TKT: variants seen among roughly 807,000 people sequenced by gnomAD.
TKT encodes transketolase.
In TKT, 47 loss-of-function variants were observed where a neutral mutation model predicts 63.9. That is an observed-to-expected ratio of 0.74 (90% CI 0.58 to 0.94). TKT has a LOEUF of 0.94. TKT is among the 40% of genes least tolerant of loss of function. TKT has a pLI of 0.00. For synonymous variants in TKT, 338 were observed against 334.1 expected (o/e 1.01, Z -0.13); for missense variants, 721 against 846.2 (o/e 0.85, Z 1.84).
At position 53,233,119 on chromosome 3, in the gene TKT, G is replaced by T. The variant is rs1198569747; in HGVS notation, c.748+37C>A. On this transcript the variant is annotated intron_variant, in intron 6 of 13. Coordinates refer to ENST00000462138, the MANE Select transcript of TKT (RefSeq NM_001064.4). Reference sequence around the variant, plus strand: ...CTACGTAGCCACAGTGTCTGGGCGAGGGGTGAAGGTGGGGAGGGCGGCTTG... The same window carrying T: ...CTACGTAGCCACAGTGTCTGGGCGATGGGTGAAGGTGGGGAGGGCGGCTTG... 5 of 1,576,330 alleles carry T rather than the reference G, an allele frequency of 3.2e-6. No individual in the cohort carries two copies. In the African/African-American group the frequency reaches 5.4e-5, roughly 17 times the overall value.
chr3:53,228,347 T>C lies in TKT; in HGVS notation c.1408A>G (p.Ile470Val). ...LAANTKGICF[I>V]RTSRPENAII... ...GCATTTTCTGGGCGGCTGGTCCGGA[T>C]GAAGCAGATACCCTGAGACCGAAAC... The change falls in exon 11 of 14, where the codon ATC becomes GTC. Residue 470 changes from isoleucine (I) to valine (V), a missense_variant. Coordinates refer to ENST00000462138, the MANE Select transcript of TKT (RefSeq NM_001064.4). 1 of 1,614,114 alleles carries C rather than the reference T, an allele frequency of 6.2e-7. No individual in the cohort carries two copies. The highest frequency in any genetic ancestry group is 8.5e-7 in the Non-Finnish European group (1 of 1,180,014).
At chr3:53,243,033 T>A (rs1465140839) in intron 1 of TKT, among the ~76,000 whole-genome samples, 1 of 152,126 alleles carries the variant, frequency 6.6e-6, no homozygotes, top group Non-Finnish European at 1.5e-5. Context: ...GCTACAATCA[T>A]GTATTAATAA....
chr3:53,246,905 A>G (rs1705532356), intron 1 of TKT, among the ~76,000 whole-genome samples: 1 of 151,848 alleles, frequency 6.6e-6, no homozygotes, highest in Non-Finnish European at 1.5e-5. Flanking sequence ...AATTCAGGGT[A>G]TAGTTCTTTC....
chr3:53,255,696 C>A (rs1403953397), intron 1 of TKT, 140 bp downstream of exon 1: 2 of 441,144 alleles, frequency 4.5e-6, no homozygotes, highest in African/African-American at 4.2e-5. Context: ...AGGCGCGCGT[C>A]TCCGCCCTCC....
At chr3:53,229,494 C>T (rs1347853691) in intron 8 of TKT, 58 bp from the exon 9 acceptor site, 3 of 1,539,976 alleles carry the variant, frequency 1.9e-6, no homozygotes, top group Non-Finnish European at 2.6e-6. Flanking sequence ...GGTCGGGGAG[C>T]CTAGGACCCC....
chr3:53,253,742 C>T (rs983146560), intron 1 of TKT, among the ~76,000 whole-genome samples: 13 of 151,950 alleles, frequency 8.6e-5, no homozygotes, highest in Non-Finnish European at 4.4e-5. Context: ...CTAGCCTGGG[C>T]GATAGAGCAA....
chr3:53,231,815 G>A (rs782603916), intron 6 of TKT: 54 of 488,418 alleles, frequency 1.1e-4, no homozygotes, highest in Non-Finnish European at 1.7e-4. Context: ...GGGGCCAGAC[G>A]TGGGCAGGTG....
chr3:53,240,403 C>T (rs1179551930), intron 3 of TKT, 55 bp from the exon 4 acceptor site: 2 of 1,541,920 alleles, frequency 1.3e-6, no homozygotes, highest in Non-Finnish European at 1.8e-6. Flanking sequence ...CCTGGTCTCA[C>T]CCGCCTAGGG....
chr3:53,233,168 G>C lies in TKT; in HGVS notation c.736C>G (p.Arg246Gly). The C allele has an allele frequency of 6.2e-7, 1 of 1,613,702 alleles. No individual in the cohort carries two copies. The highest frequency in any genetic ancestry group is 8.5e-7 in the Non-Finnish European group (1 of 1,179,836). The change falls in exon 6 of 14, where the codon CGA becomes GGA. Residue 246 changes from arginine (R) to glycine (G), a missense_variant. By Grantham distance (125) the Arg-to-Gly change is moderately radical. Coordinates refer to ENST00000462138, the MANE Select transcript of TKT (RefSeq NM_001064.4). ...TAIIAKTFKG[R>G]GITGVEDKES... Reference sequence around the variant, plus strand: ...TGTGCATACTGACCCGTGATCCCTCGGCCCTTGAAGGTCTTGGCAATGATG... The same window carrying C: ...TGTGCATACTGACCCGTGATCCCTCCGCCCTTGAAGGTCTTGGCAATGATG...
chr3:53,231,212 T>C, intron 7 of TKT, 145 bp downstream of exon 7: 1 of 886,336 alleles, frequency 1.1e-6, no homozygotes, highest in Non-Finnish European at 1.7e-6. Flanking sequence ...CTGAGGGAAG[T>C]GACAGGAACA....
chr3:53,250,111 G>C (rs1288689679), intron 1 of TKT, among the ~76,000 whole-genome samples: 3 of 152,214 alleles, frequency 2.0e-5, no homozygotes, highest in Non-Finnish European at 4.4e-5. Flanking sequence ...CTCGGGCAGA[G>C]AACCAAGCCA....
chr3:53,251,525 C>G (rs1705746370), intron 1 of TKT, among the ~76,000 whole-genome samples: 1 of 152,238 alleles, frequency 6.6e-6, no homozygotes, highest in Non-Finnish European at 1.5e-5. Context: ...AGGCCCAACT[C>G]CTGACAGAGG....
Position 53,241,250 on chromosome 3 carries a change from C to A in TKT, c.226-5G>T, listed in dbSNP as rs1553679797. 2 of 1,595,294 alleles carry A rather than the reference C, an allele frequency of 1.3e-6. No individual in the cohort carries two copies. Among genetic ancestry groups the A allele is most frequent in the Admixed American group, 1.7e-5 (1 of 57,938 alleles). On this transcript the variant is annotated splice_region_variant and splice_polypyrimidine_tract_variant and intron_variant, in intron 2 of 13. Transcript: ENST00000462138. ...GAGGATGGGAGCTGCATGGCCCTGC[C>A]GGGAGATGGATGGTGGGGTGAGGTC...
Position 53,228,272 on chromosome 3 carries a change from T to C in TKT, c.1479+4A>G. The C allele has an allele frequency of 6.2e-7, 1 of 1,614,208 alleles. No individual in the cohort carries two copies. Among genetic ancestry groups the C allele is most frequent in the Non-Finnish European group, 8.5e-7 (1 of 1,180,010 alleles). ...TGGGCTCCTGGGGCATGCGAGGCAC[T>C]GACCTTGGCTTGTCCGACCTGGAAG... is the stretch of plus-strand genomic sequence containing the variant. On this transcript the variant is annotated splice_donor_region_variant and intron_variant, in intron 11 of 13. Coordinates refer to ENST00000462138, the MANE Select transcript of TKT (RefSeq NM_001064.4).
rs190032663 is a variant in TKT, at chr3:53,233,434, T to A, written c.630-160A>T. The A allele has an allele frequency of 5.1e-4, 258 of 510,554 alleles. 1 individual carries two copies. Among genetic ancestry groups the A allele is most frequent in the East Asian group, 3.4e-4 (10 of 29,692 alleles). The allele number at this position is 510,554 out of a possible 1,614,324, so 31.6% of individuals were successfully genotyped here. On this transcript the variant is annotated intron_variant, in intron 5 of 13. Transcript: ENST00000462138. Reference sequence around the variant, plus strand: ...GTAGAAAGCTTGCAACATTCCTGTTTCCAGTTTGGGTTTTTTAAATCCTTT... The same window carrying A: ...GTAGAAAGCTTGCAACATTCCTGTTACCAGTTTGGGTTTTTTAAATCCTTT...
intron 1 of TKT, among the ~76,000 whole-genome samples, chr3:53,251,910 C>T (rs1553681689): frequency 6.6e-6 from 1 of 152,156 alleles, no homozygotes; most frequent in Admixed American, 6.5e-5. Flanking sequence ...GAGGCCGAGG[C>T]GGGCGGATCA....
chr3:53,255,905 T>C lies in TKT; in HGVS notation c.38A>G (p.Gln13Arg). The C allele has an allele frequency of 6.5e-7, 1 of 1,546,868 alleles. No individual in the cohort carries two copies. The highest frequency in any genetic ancestry group is 8.7e-7 in the Non-Finnish European group (1 of 1,146,648). The change falls in exon 1 of 14, where the codon CAG (glutamine) becomes CGG (arginine). Residue 13 changes from glutamine to arginine, a missense_variant. Physicochemically the swap from Gln to Arg is conservative, Grantham distance 43. Transcript: ENST00000462138. The part of the protein sequence containing the change: ...SYHKPDQQKL[Q>R]ALKDTANRLR... ...GCGGTTGGCCGTGTCCTTCAAGGCC[T>C]GCAGCTTCTGCTGGTCAGGCTTGTG...
At chr3:53,240,561 TGGCCTCA>T (rs1332079349) in intron 3 of TKT, among the ~76,000 whole-genome samples, 1 of 152,248 alleles carries the variant, frequency 6.6e-6, no homozygotes, top group Non-Finnish European at 1.5e-5. Flanking sequence ...GCCAGCTATG[TGGCCTCA>T]GGCCTCAGGC....
chr3:53,245,456 C>T (rs1351033613), intron 1 of TKT, among the ~76,000 whole-genome samples: 1 of 152,152 alleles, frequency 6.6e-6, no homozygotes, highest in African/African-American at 2.4e-5. Context: ...GCCAGAGAGG[C>T]TCCCTCACCC....
Sources: allele counts gnomAD v4.1 joint callset (sites outside exome capture counted in the v4.1 genomes callset), GRCh38; gene constraint gnomAD v4.1.1; transcripts MANE v1.5; gene names NCBI Gene and HGNC (gene_info 2026-07-23, HGNC 2026-07-21).